CPB1: variants seen among roughly 807,000 people sequenced by gnomAD.
CPB1 encodes carboxypeptidase B1.
A neutral mutation model predicts 51.4 loss-of-function variants in CPB1; 53 were observed. That is an observed-to-expected ratio of 1.03 (90% CI 0.83 to 1.30). The LOEUF is 1.30. Among genes scored for constraint, CPB1 ranks in the 50% most tolerant of loss-of-function variants. The pLI is 0.00. For missense variants in CPB1, 494 were observed against 516.2 expected, an observed-to-expected ratio of 0.96 and a Z score of 0.42; for synonymous variants, 189 against 186.9, an observed-to-expected ratio of 1.01 and a Z score of -0.09.
chr3:148,841,174 A>G (rs1713069139), intron 5 of CPB1, among the ~76,000 whole-genome samples, 199 bp downstream of exon 5: 1 of 152,212 alleles, frequency 6.6e-6, no homozygotes, highest in African/African-American at 2.4e-5. Context: ...ATTTATTCAA[A>G]AGGAAAAATG....
rs78535334 is a variant in CPB1, at chr3:148,859,702, T to A, written c.1067-113T>A. ...GATCCAGTTTACTAGAAAATTGGCC[T>A]ACTCAAAATATTTTGCACAGTGAAA... On this transcript the variant is annotated intron_variant, in intron 10 of 10. Coordinates refer to ENST00000282957, the MANE Select transcript of CPB1 (RefSeq NM_001871.3). 442 of 1,026,280 alleles carry A rather than the reference T, an allele frequency of 4.3e-4. 4 individuals are homozygous for A. The East Asian group carries it at 0.01, about 24-fold the overall frequency. The allele number at this position is 1,026,280 out of a possible 1,614,324, so 63.6% of individuals were successfully genotyped here.
chr3:148,831,875 T>C (rs1428246011), intron 2 of CPB1, among the ~76,000 whole-genome samples: 1 of 152,248 alleles, frequency 6.6e-6, no homozygotes, highest in East Asian at 1.9e-4. Context: ...CTTATGTTAT[T>C]ACTTTGACTT....
chr3:148,828,040 A>T lies in CPB1; in HGVS notation c.110A>T (p.His37Leu). 6.2e-7 allele frequency: 1 copy of T among 1,614,152 alleles called. No homozygotes were observed. Among genetic ancestry groups the T allele is most frequent in the Non-Finnish European group, 8.5e-7 (1 of 1,180,000 alleles). The change falls in exon 2 of 11, where the codon CAC becomes CTC. Residue 37 changes from histidine (H) to leucine (L), a missense_variant. Physicochemically the swap from His to Leu is moderately conservative, Grantham distance 99. Coordinates refer to ENST00000282957, the MANE Select transcript of CPB1 (RefSeq NM_001871.3). ...CGTGTTAACGTTGAAGATGAAAATC[A>T]CATTAACATAATCCGCGAGTTGGCC... The part of the protein sequence containing the change: ...VFRVNVEDEN[H>L]INIIRELAST...
At chr3:148,849,861 A>C (rs1386981977) in intron 9 of CPB1, among the ~76,000 whole-genome samples, 1 of 152,252 alleles carries the variant, frequency 6.6e-6, no homozygotes, top group Non-Finnish European at 1.5e-5. Flanking sequence ...CCCTGGGTCT[A>C]AGGCTACTGG....
chr3:148,845,499 C>G lies in CPB1; in HGVS notation c.854C>G (p.Ala285Gly), dbSNP rs756057467. 9 of 1,613,922 alleles carry G rather than the reference C, an allele frequency of 5.6e-6. No individual in the cohort carries two copies. In the South Asian group the frequency reaches 9.9e-5, roughly 18 times the overall value. ...PAAESEKETK[A>G]LADFIRNKLS... ...GCAGAGTCTGAAAAGGAGACCAAGG[C>G]CCTGGCTGATTTCATCCGCAACAAA... The change falls in exon 9 of 11, where the codon GCC (alanine) becomes GGC (glycine). Residue 285 changes from alanine to glycine, a missense_variant. Transcript: ENST00000282957.
chr3:148,859,985 C>T lies in CPB1; in HGVS notation c.1237C>T (p.Leu413=). ...AATCAAGTATGTTGCCAGCTACGTC[C>T]TGGAACACCTGTACTAGTTGAGAAA... ...LAIKYVASYV[L]EHLY is the part of the protein sequence containing the mutation. The change falls in exon 11 of 11, where the codon CTG becomes TTG. Residue 413 remains leucine, a synonymous_variant. Coordinates refer to ENST00000282957, the MANE Select transcript of CPB1 (RefSeq NM_001871.3). The T allele has an allele frequency of 6.2e-7, 1 of 1,614,050 alleles. No homozygotes were observed. The highest frequency in any genetic ancestry group is 8.5e-7 in the Non-Finnish European group (1 of 1,179,942).
intron 3 of CPB1, chr3:148,838,542 C>G (rs2108013695): frequency 6.6e-6 from 1 of 152,000 alleles, no homozygotes; most frequent in East Asian, 1.9e-4. Flanking sequence ...TTTGGTTAGT[C>G]TGTTTTTAGT....
At chr3:148,855,539 G>A (rs1014270408) in intron 9 of CPB1, 1 of 152,066 alleles carries the variant, frequency 6.6e-6, no homozygotes, top group South Asian at 2.1e-4. Context: ...AGCCCCCTTT[G>A]GTTTTGTCTG....
At chr3:148,840,627 T>C (rs1252587166) in intron 3 of CPB1, 59 bp from the exon 4 acceptor site, 1 of 1,439,728 alleles carries the variant, frequency 6.9e-7, no homozygotes, top group Non-Finnish European at 9.8e-7. Context: ...GTTTTATGTG[T>C]GTTCACTGGA....
At chr3:148,830,202 G>A (rs531886491) in intron 2 of CPB1, among the ~76,000 whole-genome samples, 19 of 152,244 alleles carry the variant, frequency 1.2e-4, no homozygotes, top group South Asian at 2.1e-4. Context: ...ACCTGTTTTC[G>A]TGTTTATAAA....
In CPB1 at chr3:148,828,033, G is replaced by T; in HGVS notation, c.103G>T (p.Glu35Ter). ...EKVFRVNVED[E>*]NHINIIRELA... ...GGTGTTCCGTGTTAACGTTGAAGAT[G>T]AAAATCACATTAACATAATCCGCGA... Residue 35 changes from glutamate (E) to a stop codon, truncating the protein, a stop_gained, in exon 2 of 11, where the codon GAA becomes TAA. Transcript: ENST00000282957. LOFTEE classifies it high-confidence loss of function. 6.2e-7 allele frequency: 1 copy of T among 1,614,058 alleles called. No homozygotes were observed. The highest frequency in any genetic ancestry group is 8.5e-7 in the Non-Finnish European group (1 of 1,179,974).
Position 148,827,886 on chromosome 3 carries a change from C to T in CPB1, c.63C>T (p.His21=). Residue 21 remains histidine (H), a synonymous_variant, in exon 1 of 11, where the codon CAC becomes CAT. Coordinates refer to ENST00000282957, the MANE Select transcript of CPB1 (RefSeq NM_001871.3). ...ALASAHHGGE[H]FEGEKVFRVN... ...CATCTGCTCATCATGGTGGTGAGCA[C>T]TTTGAAGGGTAAGTAAGCCATCTTT... 2 of 1,614,106 alleles carry T rather than the reference C, an allele frequency of 1.2e-6. No individual in the cohort carries two copies. The highest frequency in any genetic ancestry group is 1.7e-6 in the Non-Finnish European group (2 of 1,179,988).
At chr3:148,836,373 A>G (rs1234910846) in intron 3 of CPB1, among the ~76,000 whole-genome samples, 1 of 152,218 alleles carries the variant, frequency 6.6e-6, no homozygotes, top group Non-Finnish European at 1.5e-5. Flanking sequence ...ACTGAAAAGG[A>G]CAGCTAAAAT....
chr3:148,846,781 A>ATATGTGTGTG (rs1713255789), intron 9 of CPB1, among the ~76,000 whole-genome samples: 1 of 58,352 alleles, frequency 1.7e-5, no homozygotes, highest in Non-Finnish European at 3.4e-5. Flanking sequence ...ACACATATAT[A>ATATGTGTGTG]TGTGTGTGTG....
chr3:148,840,603 G>A, intron 3 of CPB1, 83 bp from the exon 4 acceptor site: 1 of 1,139,894 alleles, frequency 8.8e-7, no homozygotes, highest in Non-Finnish European at 1.3e-6. Context: ...ATCTACTAAA[G>A]CAGTGGCTCT....
chr3:148,856,040 C>G lies in CPB1; in HGVS notation c.982-1417C>G, dbSNP rs752870917. The G allele has an allele frequency of 1.8e-4, 27 of 152,296 alleles. No homozygotes were observed. The South Asian group carries it at 3.3e-3, about 19-fold the overall frequency. 9.4% of individuals were successfully genotyped at this position (152,296 alleles called of 1,614,324 possible). On this transcript the variant is annotated intron_variant, in intron 9 of 10. Coordinates refer to ENST00000282957, the MANE Select transcript of CPB1 (RefSeq NM_001871.3). Reference sequence around the variant, plus strand: ...GGTTTAAACAAAGGGTTAAAAAAATCTAAATCTAGTGTCTTCGTTACAATA... The same window carrying G: ...GGTTTAAACAAAGGGTTAAAAAAATGTAAATCTAGTGTCTTCGTTACAATA...
Position 148,859,864 on chromosome 3 carries a change from A to T in CPB1, c.1116A>T (p.Arg372Ser), listed in dbSNP as rs779589567. ...SDDWAYDQGI[R>S]YSFTFELRDT... ...ACTGGGCTTATGACCAAGGAATCAG[A>T]TATTCCTTCACCTTTGAACTTCGAG... The change falls in exon 11 of 11, where the codon AGA becomes AGT. Residue 372 changes from arginine (R) to serine (S), a missense_variant. Transcript: ENST00000282957. 1 of 1,614,090 alleles carries T rather than the reference A, an allele frequency of 6.2e-7. No individual in the cohort carries two copies. The highest frequency in any genetic ancestry group is 1.1e-5 in the South Asian group (1 of 91,074).
At chr3:148,832,897 T>G (rs559613443) in intron 2 of CPB1, among the ~76,000 whole-genome samples, 25 of 152,288 alleles carry the variant, frequency 1.6e-4, no homozygotes, top group African/African-American at 6.0e-4. Flanking sequence ...TACAGATACA[T>G]GGAGGACTTT....
chr3:148,850,088 A>C (rs916511214), intron 9 of CPB1, among the ~76,000 whole-genome samples: 2 of 152,244 alleles, frequency 1.3e-5, no homozygotes, highest in African/African-American at 4.8e-5. Flanking sequence ...CTCATGGCCT[A>C]GTCTTTATGA....
Sources: gnomAD v4.1 joint callset for allele counts (sites outside exome capture counted in the v4.1 genomes callset) on GRCh38, gnomAD v4.1.1 for gene constraint, MANE v1.5 for transcripts, NCBI Gene and HGNC (gene_info 2026-07-23, HGNC 2026-07-21) for gene names.